CCDC158: variants seen among roughly 807,000 people sequenced by gnomAD.
The protein encoded by CCDC158 is coiled-coil domain-containing protein 158.
Under a neutral mutation model 138.6 loss-of-function variants are expected in CCDC158, and 116 were observed. The ratio of observed to expected loss-of-function variants is 0.84; its 90% CI spans 0.72 to 0.98. The LOEUF (loss-of-function observed/expected upper bound fraction) is 0.98. Ranked by LOEUF, CCDC158 falls within the 50% of genes least tolerant of loss-of-function variation. The probability of loss-of-function intolerance (pLI) is 0.00; values close to 1 mark genes in which losing one functional copy is unlikely to be tolerated. For synonymous variants in CCDC158, 436 were observed against 442.4 expected (o/e 0.99, Z 0.18); for missense variants, 1,265 against 1,306.1 (o/e 0.97, Z 0.48).
intron 2 of CCDC158, among the ~76,000 whole-genome samples, chr4:76,405,838 G>A (rs1728776686): frequency 6.6e-6 from 1 of 151,992 alleles, no homozygotes; most frequent in Non-Finnish European, 1.5e-5. Context: ...AACCACTAGA[G>A]TAAAAATACA....
chr4:76,338,191 G>A (rs1046172222), intron 18 of CCDC158, among the ~76,000 whole-genome samples: 2 of 152,190 alleles, frequency 1.3e-5, no homozygotes, highest in Non-Finnish European at 2.9e-5. Flanking sequence ...TGATGCTAGT[G>A]CTGGGGAGTG....
intron 3 of CCDC158, among the ~76,000 whole-genome samples, chr4:76,398,303 T>C (rs769860234): frequency 6.6e-6 from 1 of 152,142 alleles, no homozygotes. Flanking sequence ...ATATTAATTA[T>C]AAAGGGGGAA....
chr4:76,318,497 T>C (rs1024385197), intron 24 of CCDC158, among the ~76,000 whole-genome samples: 3 of 151,806 alleles, frequency 2.0e-5, no homozygotes, highest in African/African-American at 7.3e-5. Context: ...TAATAACAAG[T>C]AGTGAGATTG....
chr4:76,390,213 G>T (rs1453351562), intron 4 of CCDC158, among the ~76,000 whole-genome samples: 2 of 152,120 alleles, frequency 1.3e-5, no homozygotes, highest in Admixed American at 6.5e-5. Context: ...GGGGCACAAA[G>T]TCAAAGTGTA....
intron 21 of CCDC158, among the ~76,000 whole-genome samples, 163 bp downstream of exon 21, chr4:76,331,181 C>T (rs1720971316): frequency 6.6e-6 from 1 of 152,134 alleles, no homozygotes; most frequent in South Asian, 2.1e-4. Context: ...ACAGACTTCA[C>T]GATTGTAAGC....
chr4:76,343,067 T>C (rs935067325), intron 18 of CCDC158, among the ~76,000 whole-genome samples: 4 of 152,198 alleles, frequency 2.6e-5, no homozygotes, highest in African/African-American at 7.2e-5. Context: ...TTGGACTCCA[T>C]AGAGATATCT....
At position 76,384,098 on chromosome 4, in the gene CCDC158, C is replaced by T. The variant is rs1275425407; in HGVS notation, c.716G>A (p.Arg239Lys). ...LDTEISYLKGRIFPVEDQLEA... is the reference protein window; with the variant it reads ...LDTEISYLKGKIFPVEDQLEA... Reference sequence around the variant, plus strand: ...ATTCTCACCACTTACTGGAAATATCCTCCCTTTAAGATAAGAAATCTCTGT... The same window carrying T: ...ATTCTCACCACTTACTGGAAATATCTTCCCTTTAAGATAAGAAATCTCTGT... Residue 239 changes from arginine (R) to lysine (K), a missense_variant, in exon 6 of 25, where the codon AGG (arginine) becomes AAG (lysine). By Grantham distance (26) the Arg-to-Lys change is conservative. Coordinates refer to ENST00000682701, the MANE Select transcript of CCDC158 (RefSeq NM_001394954.1). 3.1e-6 allele frequency: 5 copies of T among 1,595,902 alleles called. No homozygotes were observed. Among genetic ancestry groups the T allele is most frequent in the Admixed American group, 1.7e-5 (1 of 59,514 alleles).
At chr4:76,402,241 C>G (rs1728459643) in intron 3 of CCDC158, 1 of 152,276 alleles carries the variant, frequency 6.6e-6, no homozygotes, top group Non-Finnish European at 1.5e-5. Flanking sequence ...AATGCATTCT[C>G]TGTCCTTCCC....
At chr4:76,383,533 A>C in intron 7 of CCDC158, 129 bp downstream of exon 7, 1 of 642,980 alleles carries the variant, frequency 1.6e-6, no homozygotes, top group Non-Finnish European at 2.8e-6. Context: ...TGTTAACATG[A>C]GTTTCCTATA....
chr4:76,411,569 C>T (rs1260843719), intron 2 of CCDC158, among the ~76,000 whole-genome samples: 2 of 152,150 alleles, frequency 1.3e-5, no homozygotes, highest in East Asian at 3.8e-4. Context: ...AACACAGGGA[C>T]TATTATAATG....
chr4:76,315,911 G>T (rs530691236), intron 24 of CCDC158, among the ~76,000 whole-genome samples: 87 of 152,300 alleles, frequency 5.7e-4, no homozygotes, highest in Admixed American at 1.5e-3. Context: ...CCATCCCTTG[G>T]GGGAGGGGGA....
chr4:76,330,190 C>G (rs61704044), intron 21 of CCDC158, among the ~76,000 whole-genome samples: 4,448 of 152,100 alleles, frequency 0.029, 219 homozygotes, highest in African/African-American at 0.1. Context: ...TACTCAGAGG[C>G]AGTAAGCAGT....
Position 76,313,166 on chromosome 4 carries a change from C to A in CCDC158, c.*4G>T. ...TCCTCTGTAAAGAATAGGCAAGCAA[C>A]GAGTCATTTTAGTAACATTTTTTCC... is the stretch of plus-strand genomic sequence containing the variant. On this transcript the variant is annotated 3_prime_UTR_variant, in exon 25 of 25. Coordinates refer to ENST00000682701, the MANE Select transcript of CCDC158 (RefSeq NM_001394954.1). The A allele has an allele frequency of 6.3e-7, 1 of 1,587,840 alleles. No homozygotes were observed. The highest frequency in any genetic ancestry group is 2.3e-5 in the East Asian group (1 of 44,124).
intron 23 of CCDC158, among the ~76,000 whole-genome samples, chr4:76,324,081 AT>A (rs1267294099): frequency 9.2e-5 from 14 of 152,138 alleles, no homozygotes; most frequent in Non-Finnish European, 2.9e-5. Context: ...ATTTGACAAT[AT>A]TTTTAATGGT....
chr4:76,403,319 C>A lies in CCDC158; in HGVS notation c.-73-39G>T, dbSNP rs1175568397. 9.3e-6 allele frequency: 6 copies of A among 643,418 alleles called. No homozygotes were observed. In the African/African-American group the frequency reaches 1.2e-4, roughly 12 times the overall value. 39.9% of individuals were successfully genotyped at this position (643,418 alleles called of 1,614,324 possible). ...AGATTCAATCTTTATTAACAAGGTA[C>A]TATGTGAAAAAAGTTCATAGAAGAA... is the stretch of plus-strand genomic sequence containing the variant. On this transcript the variant is annotated intron_variant, in intron 2 of 24. Coordinates refer to ENST00000682701, the MANE Select transcript of CCDC158 (RefSeq NM_001394954.1).
chr4:76,335,907 C>T (rs943465314), intron 18 of CCDC158, among the ~76,000 whole-genome samples: 8 of 150,254 alleles, frequency 5.3e-5, no homozygotes, highest in African/African-American at 9.7e-5. Context: ...ATTGGCAGGG[C>T]GCGGTGGCTC....
chr4:76,370,009 A>G (rs1172865838), intron 10 of CCDC158, among the ~76,000 whole-genome samples: 3 of 152,230 alleles, frequency 2.0e-5, no homozygotes, highest in African/African-American at 7.2e-5. Context: ...TAAAGGAAAA[A>G]TGATAAGTAA....
chr4:76,382,331 GT>G (rs1468023022), intron 8 of CCDC158, among the ~76,000 whole-genome samples: 2 of 152,122 alleles, frequency 1.3e-5, no homozygotes, highest in African/African-American at 4.8e-5. Flanking sequence ...AAATTACCCA[GT>G]CTTGGTTAGT....
chr4:76,371,065 A>G (rs916701464), intron 10 of CCDC158, among the ~76,000 whole-genome samples: 8 of 152,204 alleles, frequency 5.3e-5, no homozygotes, highest in African/African-American at 1.4e-4. Flanking sequence ...CTAACCGTCC[A>G]TTCCAAATTT....
Sources: allele counts gnomAD v4.1 joint callset (sites outside exome capture counted in the v4.1 genomes callset), GRCh38; gene constraint gnomAD v4.1.1; transcripts MANE v1.5; gene names NCBI Gene and HGNC (gene_info 2026-07-23, HGNC 2026-07-21).